Variants in PTPRB observed in about 807,000 individuals in gnomAD.
PTPRB encodes the protein protein tyrosine phosphatase receptor type B, also known as receptor-type tyrosine-protein phosphatase beta.
Under a neutral mutation model 238.1 loss-of-function variants are expected in PTPRB, and 97 were observed. The ratio of observed to expected loss-of-function variants is 0.41; its 90% CI spans 0.35 to 0.48. The LOEUF (loss-of-function observed/expected upper bound fraction) is 0.48. Among genes scored for constraint, PTPRB ranks in the 20% least tolerant of loss-of-function variants. The pLI is 0.30. For synonymous variants in PTPRB, 970 were observed against 995.4 expected, an observed-to-expected ratio of 0.97 and a Z score of 0.48; for missense variants, 2,292 against 2,681.9, an observed-to-expected ratio of 0.85 and a Z score of 3.21.
intron 4 of PTPRB, among the ~76,000 whole-genome samples, chr12:70,598,307 A>G (rs1377042383): frequency 1.3e-5 from 2 of 152,206 alleles, no homozygotes; most frequent in Non-Finnish European, 2.9e-5. Flanking sequence ...ATATTATATA[A>G]AAAGTAGTTA....
chr12:70,539,880 G>A lies in PTPRB; in HGVS notation c.5679-36C>T. On this transcript the variant is annotated intron_variant, in intron 24 of 33. Coordinates refer to ENST00000334414, the MANE Select transcript of PTPRB (RefSeq NM_001109754.4). ...AAGCCAAAAGAGGAAGACTTTGTTA[G>A]CAAATTTCACATAATACCATCTTTC... is the stretch of plus-strand genomic sequence containing the variant. 3 of 1,577,326 alleles carry A rather than the reference G, an allele frequency of 1.9e-6. No individual in the cohort carries two copies. In the South Asian group the frequency reaches 3.3e-5, roughly 17 times the overall value.
chr12:70,558,594 C>T (rs370373955), intron 18 of PTPRB, among the ~76,000 whole-genome samples: 2 of 152,150 alleles, frequency 1.3e-5, no homozygotes, highest in African/African-American at 4.8e-5. Flanking sequence ...GTATATGCTT[C>T]GTCGTCGAAG....
intron 7 of PTPRB, among the ~76,000 whole-genome samples, chr12:70,591,262 C>T (rs1330924498): frequency 6.6e-6 from 1 of 151,962 alleles, no homozygotes; most frequent in Non-Finnish European, 1.5e-5. Context: ...TTTTACTGCT[C>T]TTATGAAAGA....
chr12:70,609,698 T>G (rs1406678175), intron 3 of PTPRB: 4 of 1,458,578 alleles, frequency 2.7e-6, no homozygotes, highest in East Asian at 2.5e-5. Context: ...GAAAGTGGAG[T>G]GGGAATTTGG....
chr12:70,626,868 ATAAT>A (rs763942373), intron 2 of PTPRB, among the ~76,000 whole-genome samples: 3 of 152,130 alleles, frequency 2.0e-5, no homozygotes, highest in African/African-American at 7.2e-5. Flanking sequence ...GGTTAAAAGA[ATAAT>A]TAACATTTCA....
chr12:70,596,020 T>C, intron 5 of PTPRB, 29 bp downstream of exon 5: 1 of 1,503,060 alleles, frequency 6.7e-7, no homozygotes, highest in Non-Finnish European at 9.0e-7. Flanking sequence ...TCCTATTAAC[T>C]ACTCAGCTAT....
chr12:70,601,353 A>G (rs1329283282), intron 4 of PTPRB, among the ~76,000 whole-genome samples: 1 of 138,110 alleles, frequency 7.2e-6, no homozygotes, highest in African/African-American at 2.5e-5. Flanking sequence ...CTCTTTGTAC[A>G]TCTGCCCCAT....
At chr12:70,606,552 T>C (rs1883960446) in intron 4 of PTPRB, among the ~76,000 whole-genome samples, 1 of 152,238 alleles carries the variant, frequency 6.6e-6, no homozygotes, top group African/African-American at 2.4e-5. Context: ...TTTAGACTGA[T>C]AAGACAGGCA....
chr12:70,595,405 A>G lies in PTPRB; in HGVS notation c.1258+644T>C, dbSNP rs1246471625. Among the ~76,000 whole-genome samples, 5 of 152,200 alleles carry G rather than the reference A, an allele frequency of 3.3e-5. No homozygotes were observed. In the South Asian group the frequency reaches 8.3e-4, roughly 25 times the overall value. On this transcript the variant is annotated intron_variant, in intron 5 of 33. Coordinates refer to ENST00000334414, the MANE Select transcript of PTPRB (RefSeq NM_001109754.4). ...ATGGCACGTGTATACCTATGTAACA[A>G]ACCTGCATGTTCTGCACATGTATCC...
chr12:70,564,799 C>T (rs1486432996), intron 15 of PTPRB, among the ~76,000 whole-genome samples: 2 of 150,882 alleles, frequency 1.3e-5, no homozygotes, highest in Non-Finnish European at 2.9e-5. Flanking sequence ...TGCCACTGCA[C>T]TCCATCCTGG....
At chr12:70,552,692 G>C in intron 21 of PTPRB, 85 bp downstream of exon 21, 1 of 1,504,014 alleles carries the variant, frequency 6.6e-7, no homozygotes, top group Non-Finnish European at 9.1e-7. Flanking sequence ...ATCTATGGAA[G>C]CTCGCATGCA....
intron 10 of PTPRB, among the ~76,000 whole-genome samples, chr12:70,577,880 C>T (rs368001309): frequency 6.6e-6 from 1 of 152,120 alleles, no homozygotes; most frequent in Admixed American, 6.6e-5. Context: ...TGGTACATCT[C>T]TTCCTTCCTT....
At chr12:70,555,565 G>A (rs1310604760) in intron 19 of PTPRB, among the ~76,000 whole-genome samples, 1 of 152,158 alleles carries the variant, frequency 6.6e-6, no homozygotes, top group Non-Finnish European at 1.5e-5. Flanking sequence ...TGAAGTTGTA[G>A]CTTCAAATTG....
rs1313993909 is a variant in PTPRB at position 70,578,408 on chromosome 12, A to G, written c.2579-1763T>C. 2.0e-5 allele frequency among the ~76,000 whole-genome samples: 3 copies of G among 147,988 alleles called. No individual in the cohort carries two copies. In the East Asian group the frequency reaches 5.9e-4, roughly 29 times the overall value. ...AAAAGAGGCACCTTTCAAAATCCCT[A>G]TTATTGTGCTTTACAGGAGTCTCCC... is the stretch of plus-strand genomic sequence containing the variant. On this transcript the variant is annotated intron_variant, in intron 10 of 33. Coordinates refer to ENST00000334414, the MANE Select transcript of PTPRB (RefSeq NM_001109754.4).
intron 32 of PTPRB, among the ~76,000 whole-genome samples, chr12:70,529,878 A>C (rs914128029): frequency 6.6e-5 from 10 of 152,216 alleles, no homozygotes; most frequent in African/African-American, 2.4e-4. Context: ...GAAAGCCCTC[A>C]GCACCACCCA....
intron 21 of PTPRB, among the ~76,000 whole-genome samples, chr12:70,551,885 A>G (rs369666490): frequency 2.3e-4 from 35 of 152,224 alleles, no homozygotes; most frequent in African/African-American, 8.4e-4. Context: ...CGAAGGGCCT[A>G]GTGACTGCAG....
chr12:70,561,834 C>A (rs1449035980), intron 16 of PTPRB, among the ~76,000 whole-genome samples: 1 of 152,176 alleles, frequency 6.6e-6, no homozygotes, highest in Non-Finnish European at 1.5e-5. Flanking sequence ...GATGATCTGT[C>A]CTTGTCCTCT....
In PTPRB at chr12:70,581,284, T is replaced by C. The variant is rs1881364000; in HGVS notation, c.2330A>G (p.Asp777Gly). The C allele has an allele frequency of 6.2e-7, 1 of 1,613,262 alleles. No homozygotes were observed. Among genetic ancestry groups the C allele is most frequent in the South Asian group, 1.1e-5 (1 of 91,022 alleles). ...KGRTVPAQVTDLHVANQGMTS... is the reference protein window; with the variant it reads ...KGRTVPAQVTGLHVANQGMTS... The stretch of plus-strand genomic sequence containing the variant: ...CATTCCTTGGTTGGCCACATGCAAG[T>C]CAGTCACTTGGGCAGGCACTAAAAC... Residue 777 changes from aspartate to glycine, a missense_variant, in exon 10 of 34, where the codon GAC becomes GGC. Asp to Gly is a moderately conservative substitution (Grantham distance 94). Coordinates refer to ENST00000334414, the MANE Select transcript of PTPRB (RefSeq NM_001109754.4).
intron 10 of PTPRB, among the ~76,000 whole-genome samples, 177 bp from the exon 11 acceptor site, chr12:70,576,822 A>AAGCTTCT (rs1301626605): frequency 1.3e-5 from 2 of 152,132 alleles, no homozygotes; most frequent in Admixed American, 1.3e-4. Flanking sequence ...CAGCTTCCAG[A>AAGCTTCT]AGCTGAGTGT....
Sources: gnomAD v4.1 joint callset for allele counts (sites outside exome capture counted in the v4.1 genomes callset) on GRCh38, gnomAD v4.1.1 for gene constraint, MANE v1.5 for transcripts, NCBI Gene and HGNC (gene_info 2026-07-23, HGNC 2026-07-21) for gene names.